Variants in PDE8A observed in about 807,000 individuals in gnomAD.
PDE8A encodes the protein high affinity cAMP-specific and IBMX-insensitive 3',5'-cyclic phosphodiesterase 8A.
A neutral mutation model predicts 105.0 loss-of-function variants in PDE8A; 59 were observed. That is an observed-to-expected ratio of 0.56 (90% CI 0.46 to 0.70). The LOEUF (loss-of-function observed/expected upper bound fraction) is 0.70. PDE8A is among the 30% of genes least tolerant of loss of function. The pLI, the probability that PDE8A is intolerant of heterozygous loss-of-function variation, is 0.00. For missense variants in PDE8A, 1,014 were observed against 1,045.9 expected (o/e 0.97, Z 0.42); for synonymous variants, 355 against 371.9 (o/e 0.95, Z 0.52).
chr15:85,002,894 A>G (rs1367089380), intron 1 of PDE8A, among the ~76,000 whole-genome samples: 1 of 152,228 alleles, frequency 6.6e-6, no homozygotes, highest in Admixed American at 6.5e-5. Context: ...AAAAGACCAA[A>G]TATTTTAACA....
At position 85,123,133 on chromosome 15, in the gene PDE8A, G is replaced by A. The variant is rs145560886; in HGVS notation, c.2025G>A (p.Glu675=). 1 of 1,613,810 alleles carries A rather than the reference G, an allele frequency of 6.2e-7. No homozygotes were observed. Among genetic ancestry groups the A allele is most frequent in the African/African-American group, 1.3e-5 (1 of 74,908 alleles). The part of the protein sequence containing the change: ...VLATEMTKHF[E]HVNKFVNSIN... ...CCACAGAAATGACAAAGCACTTTGA[G>A]CATGTCAACAAATTTGTCAACAGCA... Residue 675 remains glutamate (E), a synonymous_variant, in exon 19 of 22, where the codon GAG becomes GAA. Coordinates refer to ENST00000394553, the MANE Select transcript of PDE8A (RefSeq NM_002605.3).
Position 85,085,861 on chromosome 15 carries a change from A to T in PDE8A, c.635+2217A>T, listed in dbSNP as rs1465531755. Among the ~76,000 whole-genome samples the T allele has an allele frequency of 1.5e-4, 23 of 151,714 alleles. 1 individual carries two copies. The highest frequency in any genetic ancestry group is 1.5e-3 in the Admixed American group (23 of 15,222). ...CGTCTCTACTAAAAAAAATACAAAAAATTAGCTGGGCGTGGTGGCGCATGC... is the reference window on the plus strand; with the variant it reads ...CGTCTCTACTAAAAAAAATACAAAATATTAGCTGGGCGTGGTGGCGCATGC... On this transcript the variant is annotated intron_variant, in intron 6 of 21. Coordinates refer to ENST00000394553, the MANE Select transcript of PDE8A (RefSeq NM_002605.3).
At chr15:84,994,988 A>G (rs754935903) in intron 1 of PDE8A, among the ~76,000 whole-genome samples, 2 of 152,140 alleles carry the variant, frequency 1.3e-5, no homozygotes, top group Non-Finnish European at 2.9e-5. Flanking sequence ...AGAAAAAGCA[A>G]TTGTAAATGT....
intron 21 of PDE8A, 100 bp from the exon 22 acceptor site, chr15:85,137,697 T>C: frequency 1.3e-6 from 1 of 761,274 alleles, no homozygotes; most frequent in Non-Finnish European, 2.3e-6. Context: ...CTCACGCAGA[T>C]GCCTGCTCCC....
chr15:85,094,321 T>A (rs564940273), intron 8 of PDE8A, among the ~76,000 whole-genome samples: 1 of 152,350 alleles, frequency 6.6e-6, no homozygotes, highest in South Asian at 2.1e-4. Context: ...TTACCTTCAT[T>A]AGCTCCTGTG....
At chr15:85,014,365 T>C (rs2080289525) in intron 1 of PDE8A, among the ~76,000 whole-genome samples, 1 of 152,172 alleles carries the variant, frequency 6.6e-6, no homozygotes, top group Non-Finnish European at 1.5e-5. Flanking sequence ...AATGGTGATA[T>C]TCTAATTCTC....
intron 1 of PDE8A, among the ~76,000 whole-genome samples, chr15:85,032,898 G>A (rs907901164): frequency 8.5e-5 from 13 of 152,144 alleles, no homozygotes; most frequent in Admixed American, 8.5e-4. Flanking sequence ...GAGTGACCAT[G>A]TGTTACTCCA....
At chr15:85,119,166 T>C (rs1405680740) in intron 17 of PDE8A, among the ~76,000 whole-genome samples, 3 of 152,234 alleles carry the variant, frequency 2.0e-5, no homozygotes, top group African/African-American at 7.2e-5. Flanking sequence ...TTTAGAGAGC[T>C]AACTGAAAAC....
chr15:85,048,224 A>G (rs568344807), intron 1 of PDE8A, among the ~76,000 whole-genome samples: 4 of 152,102 alleles, frequency 2.6e-5, no homozygotes, highest in Admixed American at 2.0e-4. Flanking sequence ...TTTAATTCCT[A>G]GTTTGCTTCG....
At chr15:85,102,537 A>C (rs1197822722) in intron 11 of PDE8A, among the ~76,000 whole-genome samples, 4 of 150,498 alleles carry the variant, frequency 2.7e-5, no homozygotes, top group Non-Finnish European at 5.9e-5. Context: ...TTTTTTTTTA[A>C]CTCTTAAGAA....
chr15:85,114,542 G>GT (rs2082066255), intron 14 of PDE8A, among the ~76,000 whole-genome samples: 1 of 152,142 alleles, frequency 6.6e-6, no homozygotes, highest in African/African-American at 2.4e-5. Context: ...GACTCTTGAG[G>GT]GGTCCTGGAT....
intron 1 of PDE8A, among the ~76,000 whole-genome samples, chr15:85,020,289 T>G (rs2141352017): frequency 6.6e-6 from 1 of 152,232 alleles, no homozygotes. Flanking sequence ...TCCTCATACT[T>G]CTCACAGCTC....
intron 5 of PDE8A, among the ~76,000 whole-genome samples, chr15:85,080,629 A>C (rs768218312): frequency 7.2e-5 from 11 of 152,316 alleles, no homozygotes; most frequent in Admixed American, 1.3e-4. Context: ...CGTGTTTGAA[A>C]TTCTGCCCAA....
chr15:85,078,751 G>T (rs1341406875), intron 5 of PDE8A, among the ~76,000 whole-genome samples: 1 of 152,104 alleles, frequency 6.6e-6, no homozygotes, highest in Non-Finnish European at 1.5e-5. Flanking sequence ...CAGGTGGAAG[G>T]TCTGAAATGC....
At chr15:85,034,584 A>G (rs1478555338) in intron 1 of PDE8A, among the ~76,000 whole-genome samples, 1 of 152,240 alleles carries the variant, frequency 6.6e-6, no homozygotes, top group Non-Finnish European at 1.5e-5. Flanking sequence ...GGTACCATGT[A>G]AAGCTGACAA....
chr15:85,016,563 A>T (rs1037313771), intron 1 of PDE8A, among the ~76,000 whole-genome samples: 1 of 152,220 alleles, frequency 6.6e-6, no homozygotes, highest in Non-Finnish European at 1.5e-5. Flanking sequence ...ATAGAGCTGT[A>T]TAAGAATTAT....
chr15:85,092,325 G>GT (rs146879205), intron 8 of PDE8A, among the ~76,000 whole-genome samples: 6,312 of 135,690 alleles, frequency 0.047, 151 homozygotes, highest in African/African-American at 0.089. Context: ...TTTTTTTGTT[G>GT]TTGTTTTTTT....
At chr15:85,001,523 A>T (rs892217972) in intron 1 of PDE8A, among the ~76,000 whole-genome samples, 1 of 152,122 alleles carries the variant, frequency 6.6e-6, no homozygotes, top group African/African-American at 2.4e-5. Context: ...GGACCCAGAG[A>T]GTGGAAGAAG....
Position 85,088,732 on chromosome 15 carries a change from T to A in PDE8A, c.636-606T>A, listed in dbSNP as rs533894017. The stretch of plus-strand genomic sequence containing the variant: ...TGGGTGTGATATAGTGTTCCACTTA[T>A]TTTTGTTAATGTTTATTTTCTAATT... On this transcript the variant is annotated intron_variant, in intron 6 of 21. Coordinates refer to ENST00000394553, the MANE Select transcript of PDE8A (RefSeq NM_002605.3). Among the ~76,000 whole-genome samples, 15 of 152,340 alleles carry A rather than the reference T, an allele frequency of 9.8e-5. No individual in the cohort carries two copies. The South Asian group carries it at 2.3e-3, about 23-fold the overall frequency.
Sources: gnomAD v4.1 joint callset for allele counts (sites outside exome capture counted in the v4.1 genomes callset) on GRCh38, gnomAD v4.1.1 for gene constraint, MANE v1.5 for transcripts, NCBI Gene and HGNC (gene_info 2026-07-23, HGNC 2026-07-21) for gene names.